The following SH3GL3 variants were observed in gnomAD, a reference collection of about 807,000 sequenced individuals.
SH3GL3 encodes SH3 domain containing GRB2 like 3, endophilin A3.
SH3GL3 carries 33 observed loss-of-function variants against 47.7 expected under a neutral mutation model. That is an observed-to-expected ratio of 0.69 (90% CI 0.52 to 0.92). The LOEUF is 0.92. SH3GL3 is among the 40% of genes least tolerant of loss of function. The pLI is 0.00. For missense variants in SH3GL3, 363 were observed against 417.8 expected (o/e 0.87, Z 1.14); for synonymous variants, 155 against 148.8 (o/e 1.04, Z -0.30).
At chr15:83,492,033 C>T (rs1262298703) in intron 1 of SH3GL3, among the ~76,000 whole-genome samples, 1 of 152,088 alleles carries the variant, frequency 6.6e-6, no homozygotes, top group Non-Finnish European at 1.5e-5. Flanking sequence ...GCCTGTAACC[C>T]CAGCACTTTG....
rs529727698 is a variant in SH3GL3 at position 83,571,136 on chromosome 15, C to G, written c.332-1429C>G. Among the ~76,000 whole-genome samples the G allele has an allele frequency of 2.8e-4, 42 of 152,310 alleles. No homozygotes were observed. The East Asian group carries it at 3.5e-3, about 13-fold the overall frequency. ...CTGGGACCTCCTACAGTACAGAAACCTCAGTGGGTGGAGGCTGAGCCCCAC... is the reference window on the plus strand; with the variant it reads ...CTGGGACCTCCTACAGTACAGAAACGTCAGTGGGTGGAGGCTGAGCCCCAC... On this transcript the variant is annotated intron_variant, in intron 4 of 8. Transcript: ENST00000427482.
At chr15:83,470,799 C>A (rs2040796942) in intron 1 of SH3GL3, among the ~76,000 whole-genome samples, 1 of 152,030 alleles carries the variant, frequency 6.6e-6, no homozygotes. Flanking sequence ...CCTCTTTGTA[C>A]TGCAGTTGTC....
intron 4 of SH3GL3, among the ~76,000 whole-genome samples, chr15:83,571,544 C>T (rs2045817189): frequency 1.3e-5 from 2 of 151,806 alleles, no homozygotes; most frequent in African/African-American, 4.8e-5. Context: ...ACGGTTCCTA[C>T]TTCTGTTTTG....
At chr15:83,601,732 C>T (rs1308018333) in intron 8 of SH3GL3, among the ~76,000 whole-genome samples, 1 of 151,574 alleles carries the variant, frequency 6.6e-6, no homozygotes, top group Non-Finnish European at 1.5e-5. Flanking sequence ...GGGAGGATTC[C>T]CTCTTTCTGT....
chr15:83,450,799 T>A (rs2039721117), intron 1 of SH3GL3, among the ~76,000 whole-genome samples: 1 of 24,972 alleles, frequency 4.0e-5, no homozygotes, highest in Admixed American at 3.0e-4. Flanking sequence ...TCTTTTTTTT[T>A]TTTAATTTTT....
chr15:83,616,395 A>G (rs1163016664), intron 8 of SH3GL3, among the ~76,000 whole-genome samples: 2 of 151,958 alleles, frequency 1.3e-5, no homozygotes, highest in East Asian at 3.9e-4. Context: ...CTGGGACTAC[A>G]GGTGCCCGCC....
chr15:83,572,635 T>C lies in SH3GL3; in HGVS notation c.402T>C (p.Asn134=). The C allele has an allele frequency of 6.2e-7, 1 of 1,611,512 alleles. No individual in the cohort carries two copies. The highest frequency in any genetic ancestry group is 2.2e-5 in the East Asian group (1 of 44,834). The change falls in exon 5 of 9, where the codon AAT becomes AAC. Residue 134 remains asparagine, a synonymous_variant. Transcript: ENST00000427482. The stretch of plus-strand genomic sequence containing the variant: ...AGGTGAAAGACTCTCTTGATATTAA[T>C]GTAAAGCAAACTTTTATTGATCCAC... ...MAEVKDSLDI[N]VKQTFIDPLQ...
chr15:83,552,401 C>A (rs2044709266), intron 1 of SH3GL3, among the ~76,000 whole-genome samples: 1 of 151,940 alleles, frequency 6.6e-6, no homozygotes. Context: ...TCTTTTTAAT[C>A]TGTTATTTAG....
At chr15:83,524,246 G>A (rs2043326149) in intron 1 of SH3GL3, among the ~76,000 whole-genome samples, 1 of 152,102 alleles carries the variant, frequency 6.6e-6, no homozygotes, top group Non-Finnish European at 1.5e-5. Context: ...CTGACTTATT[G>A]GCTGTTTTCT....
In SH3GL3 at chr15:83,490,393, TC is replaced by T. The variant is rs1265150313; in HGVS notation, c.45+42816del. Among the ~76,000 whole-genome samples the T allele has an allele frequency of 2.6e-5, 4 of 151,772 alleles. 1 individual carries two copies. The highest frequency in any genetic ancestry group is 9.7e-5 in the African/African-American group (4 of 41,304). ...ATGCCAGAGGGACACTGAGGGCTCA[TC>T]AGGAGGACTCAGCCTCCTCTCAGAG... On this transcript the variant is annotated intron_variant, in intron 1 of 8. Transcript: ENST00000427482.
chr15:83,503,814 A>C (rs578067424), intron 1 of SH3GL3, among the ~76,000 whole-genome samples: 3 of 152,320 alleles, frequency 2.0e-5, no homozygotes, highest in South Asian at 2.1e-4. Context: ...TATTTTAAGG[A>C]CTTTTGTTAT....
At chr15:83,513,700 A>G (rs1345776252) in intron 1 of SH3GL3, among the ~76,000 whole-genome samples, 8 of 152,014 alleles carry the variant, frequency 5.3e-5, no homozygotes, top group African/African-American at 1.9e-4. Flanking sequence ...CCCTCCATTC[A>G]TTTCTACTTC....
intron 6 of SH3GL3, among the ~76,000 whole-genome samples, chr15:83,584,625 T>C (rs1406220230): frequency 6.6e-6 from 1 of 152,146 alleles, no homozygotes; most frequent in Non-Finnish European, 1.5e-5. Context: ...ACTTCAAACA[T>C]CAGCTGAGTG....
chr15:83,572,208 T>C (rs979549163), intron 4 of SH3GL3, among the ~76,000 whole-genome samples: 1 of 152,252 alleles, frequency 6.6e-6, no homozygotes, highest in Non-Finnish European at 1.5e-5. Flanking sequence ...TTTCATTGTT[T>C]ACAAAGAGAT....
intron 1 of SH3GL3, among the ~76,000 whole-genome samples, chr15:83,474,754 C>A (rs1463718627): frequency 6.6e-6 from 1 of 152,090 alleles, no homozygotes; most frequent in Non-Finnish European, 1.5e-5. Context: ...AGCGCTTGCC[C>A]ATGTGCTGTT....
intron 1 of SH3GL3, among the ~76,000 whole-genome samples, chr15:83,524,471 T>A (rs1263436489): frequency 6.6e-6 from 1 of 152,200 alleles, no homozygotes; most frequent in Non-Finnish European, 1.5e-5. Context: ...GCCAGGGTAT[T>A]TAGGGTATCT....
In SH3GL3 at chr15:83,612,147, T is replaced by A. The variant is rs150756242; in HGVS notation, c.839-5935T>A. 6.9e-3 allele frequency among the ~76,000 whole-genome samples: 1,044 copies of A among 152,338 alleles called. 12 individuals are homozygous for A. Among genetic ancestry groups the A allele is most frequent in the African/African-American group, 0.023 (961 of 41,572 alleles). On this transcript the variant is annotated intron_variant, in intron 8 of 8. Coordinates refer to ENST00000427482, the MANE Select transcript of SH3GL3 (RefSeq NM_003027.5). The stretch of plus-strand genomic sequence containing the variant: ...ACTATCCGTTTATGACTTAGGCGAT[T>A]CCAGATTTAAACACAGTCAATTCAG...
At chr15:83,461,996 A>C (rs1270321830) in intron 1 of SH3GL3, among the ~76,000 whole-genome samples, 1 of 152,242 alleles carries the variant, frequency 6.6e-6, no homozygotes, top group Admixed American at 6.5e-5. Flanking sequence ...TACTTGTAGA[A>C]GGGACTGGAT....
At chr15:83,524,860 T>A (rs2043348862) in intron 1 of SH3GL3, among the ~76,000 whole-genome samples, 1 of 152,224 alleles carries the variant, frequency 6.6e-6, no homozygotes. Flanking sequence ...TTTTTATGGT[T>A]GAATAGTATT....
Sources: allele counts gnomAD v4.1 joint callset (sites outside exome capture counted in the v4.1 genomes callset), GRCh38; gene constraint gnomAD v4.1.1; transcripts MANE v1.5; gene names NCBI Gene and HGNC (gene_info 2026-07-23, HGNC 2026-07-21).